The following NEDD4L variants were observed in gnomAD, a reference collection of about 807,000 sequenced individuals.
NEDD4L encodes E3 ubiquitin-protein ligase NEDD4-like.
In NEDD4L, 54 loss-of-function variants were observed where a neutral mutation model predicts 148.9. That is an observed-to-expected ratio of 0.36 (90% confidence interval 0.29 to 0.45). The LOEUF (loss-of-function observed/expected upper bound fraction) is 0.45. Among genes scored for constraint, NEDD4L ranks in the 20% least tolerant of loss-of-function variants. The pLI is 1.00. For missense variants in NEDD4L, 856 were observed against 1,233.8 expected (o/e 0.69, Z 4.59); for synonymous variants, 433 against 440.7 (o/e 0.98, Z 0.22).
At chr18:58,220,702 T>C (rs1028030755) in intron 2 of NEDD4L, among the ~76,000 whole-genome samples, 3 of 152,204 alleles carry the variant, frequency 2.0e-5, no homozygotes, top group African/African-American at 7.2e-5. Flanking sequence ...TGGGGACACT[T>C]CCTATTAGAG....
At chr18:58,369,878 G>A (rs537220494) in intron 22 of NEDD4L, among the ~76,000 whole-genome samples, 22 of 152,296 alleles carry the variant, frequency 1.4e-4, no homozygotes, top group East Asian at 7.7e-4. Context: ...TCCCCTTCCT[G>A]TGCTTTCTCC....
intron 1 of NEDD4L, among the ~76,000 whole-genome samples, chr18:58,164,326 C>T (rs566464333): frequency 2.0e-5 from 3 of 152,088 alleles, no homozygotes; most frequent in Non-Finnish European, 1.5e-5. Context: ...TCTATTAAAG[C>T]AATTGATAAG....
chr18:58,183,935 C>T (rs1483694305), intron 2 of NEDD4L, among the ~76,000 whole-genome samples: 3 of 151,966 alleles, frequency 2.0e-5, no homozygotes, highest in East Asian at 1.9e-4. Context: ...TTTGGGAGGC[C>T]AAGGCGGGCG....
intron 5 of NEDD4L, among the ~76,000 whole-genome samples, chr18:58,300,630 A>T (rs1385547954): frequency 6.6e-6 from 1 of 152,248 alleles, no homozygotes; most frequent in Admixed American, 6.5e-5. Context: ...GAATGAGAGC[A>T]GAGAAACTCT....
chr18:58,181,309 A>G (rs926641129), intron 2 of NEDD4L, among the ~76,000 whole-genome samples: 2 of 152,262 alleles, frequency 1.3e-5, no homozygotes, highest in South Asian at 4.1e-4. Flanking sequence ...CTTCAAATGA[A>G]GAGTACTGTA....
intron 1 of NEDD4L, among the ~76,000 whole-genome samples, chr18:58,071,621 A>G (rs2082876884): frequency 6.6e-6 from 1 of 152,246 alleles, no homozygotes; most frequent in South Asian, 2.1e-4. Context: ...GTAAAGGGAA[A>G]AAGAAGGTAT....
intron 1 of NEDD4L, among the ~76,000 whole-genome samples, chr18:58,060,901 G>C (rs1375443852): frequency 1.3e-5 from 2 of 152,158 alleles, no homozygotes; most frequent in African/African-American, 2.4e-5. Context: ...TGGGGTTACA[G>C]GTGCCTGCCA....
intron 1 of NEDD4L, among the ~76,000 whole-genome samples, chr18:58,132,989 C>A (rs941863405): frequency 1.3e-5 from 2 of 152,136 alleles, no homozygotes; most frequent in Non-Finnish European, 2.9e-5. Context: ...AAGACCATAG[C>A]GTGCATTTTC....
chr18:58,065,757 T>C (rs188994091), intron 1 of NEDD4L, among the ~76,000 whole-genome samples: 82 of 152,350 alleles, frequency 5.4e-4, no homozygotes, highest in Admixed American at 1.2e-3. Flanking sequence ...CTTAACGAAG[T>C]TGAACACTTA....
chr18:58,393,835 A>G (rs2147062577), intron 30 of NEDD4L, among the ~76,000 whole-genome samples: 1 of 152,358 alleles, frequency 6.6e-6, no homozygotes, highest in African/African-American at 2.4e-5. Context: ...AAGCTGAAGG[A>G]TCTGGTTCTC....
intron 5 of NEDD4L, among the ~76,000 whole-genome samples, chr18:58,274,239 C>T (rs538981): frequency 1.3e-5 from 2 of 152,210 alleles, no homozygotes; most frequent in African/African-American, 4.8e-5. Context: ...GGGCCCAGTC[C>T]GTCTCCACAC....
At chr18:58,390,517 G>C (rs570587809) in intron 28 of NEDD4L, 129 bp from the exon 29 acceptor site, 1 of 616,736 alleles carries the variant, frequency 1.6e-6, no homozygotes, top group Non-Finnish European at 3.0e-6. Context: ...AACCTACTCA[G>C]TTTTCAGAGT....
chr18:58,173,515 T>A (rs542043154), intron 2 of NEDD4L, among the ~76,000 whole-genome samples: 1 of 152,192 alleles, frequency 6.6e-6, no homozygotes, highest in East Asian at 1.9e-4. Flanking sequence ...AGAAAGTCCT[T>A]CTGCTGCCTA....
chr18:58,345,867 G>A (rs1328529756), intron 16 of NEDD4L, among the ~76,000 whole-genome samples: 1 of 151,586 alleles, frequency 6.6e-6, no homozygotes, highest in Non-Finnish European at 1.5e-5. Flanking sequence ...TCAGCCTCCT[G>A]AGTAGCTGGG....
At chr18:58,153,864 G>A (rs2035115349) in intron 1 of NEDD4L, among the ~76,000 whole-genome samples, 2 of 152,118 alleles carry the variant, frequency 1.3e-5, no homozygotes, top group Admixed American at 1.3e-4. Flanking sequence ...TAGCCAGGAT[G>A]GTCTCTATCT....
intron 1 of NEDD4L, among the ~76,000 whole-genome samples, chr18:58,119,415 GTC>G (rs965064640): frequency 3.3e-5 from 5 of 152,138 alleles, no homozygotes; most frequent in African/African-American, 1.2e-4. Context: ...CCTCCCTGGA[GTC>G]TCTCTTTCTG....
intron 1 of NEDD4L, among the ~76,000 whole-genome samples, chr18:58,143,264 C>T (rs1359965186): frequency 6.6e-6 from 1 of 152,190 alleles, no homozygotes; most frequent in African/African-American, 2.4e-5. Flanking sequence ...CCCAGGTACA[C>T]ACAGCTGATA....
intron 2 of NEDD4L, among the ~76,000 whole-genome samples, chr18:58,239,165 G>C (rs1261626398): frequency 3.9e-5 from 6 of 152,236 alleles, no homozygotes; most frequent in Non-Finnish European, 7.3e-5. Context: ...GAAATTTGCT[G>C]TATAGTGCTG....
chr18:58,345,642 A>G (rs1218590786), intron 16 of NEDD4L, among the ~76,000 whole-genome samples: 1 of 152,208 alleles, frequency 6.6e-6, no homozygotes, highest in Non-Finnish European at 1.5e-5. Context: ...AAATTTATTG[A>G]AATATGTCAT....
Sources: allele counts gnomAD v4.1 joint callset (sites outside exome capture counted in the v4.1 genomes callset), GRCh38; gene constraint gnomAD v4.1.1; transcripts MANE v1.5; gene names NCBI Gene and HGNC (gene_info 2026-07-23, HGNC 2026-07-21).